OR6N1: variants seen among roughly 807,000 people sequenced by gnomAD.
OR6N1 encodes the protein olfactory receptor family 6 subfamily N member 1, also known as olfactory receptor 6N1.
For synonymous variants in OR6N1, 170 were observed against 150.7 expected (o/e 1.13, Z -0.94); for missense variants, 394 against 371.7 (o/e 1.06, Z -0.49).
chr1:158,764,349 A>G lies in OR6N1; in HGVS notation c.*1395T>C, dbSNP rs935854380. 1.3e-5 allele frequency: 2 copies of G among 151,346 alleles called. No individual in the cohort carries two copies. The highest frequency in any genetic ancestry group is 4.8e-5 in the African/African-American group (2 of 41,354). 9.4% of individuals were successfully genotyped at this position (151,346 alleles called of 1,614,324 possible). A position where few individuals can be genotyped will look rare whatever the true frequency, so the allele number is the denominator to read the frequency against. On this transcript the variant is annotated 3_prime_UTR_variant, in exon 2 of 2. Transcript: ENST00000641846. ...TATCTTAATACTACTTCCCACAATT[A>G]TAATTAATTATAACTAATTATAAAT...
At chr1:158,833,132 C>T in the OR6N1 span, among the ~76,000 whole-genome samples, 2 of 152,056 alleles carry the variant, frequency 1.3e-5, no homozygotes, top group African/African-American at 4.8e-5. Context: ...TTGACTCTGG[C>T]TTTACTTATT....
chr1:158,800,288 C>G, the OR6N1 span, among the ~76,000 whole-genome samples: 1 of 152,046 alleles, frequency 6.6e-6, no homozygotes, highest in African/African-American at 2.4e-5. Flanking sequence ...TTGAACCTAT[C>G]TACCCCATAC....
the OR6N1 span, among the ~76,000 whole-genome samples, chr1:158,816,859 A>G: frequency 6.6e-6 from 1 of 152,226 alleles, no homozygotes; most frequent in East Asian, 1.9e-4. Context: ...CATAGGATCA[A>G]AACTCCCTAA....
the OR6N1 span, among the ~76,000 whole-genome samples, chr1:158,801,989 A>AT: frequency 1.3e-5 from 2 of 152,160 alleles, no homozygotes; most frequent in East Asian, 3.9e-4. Context: ...CTGACCTCCC[A>AT]GGGGCTCCTT....
At chr1:158,787,585 A>AC in the OR6N1 span, among the ~76,000 whole-genome samples, 1 of 141,780 alleles carries the variant, frequency 7.1e-6, no homozygotes, top group Admixed American at 7.0e-5. Flanking sequence ...ACATGTATAT[A>AC]CTTTCTCTCT....
At chr1:158,839,702 G>A in the OR6N1 span, among the ~76,000 whole-genome samples, 2 of 152,304 alleles carry the variant, frequency 1.3e-5, no homozygotes, top group South Asian at 4.1e-4. Flanking sequence ...AAGGGAGAAA[G>A]TTAAACAGGG....
chr1:158,790,726 C>G, the OR6N1 span, among the ~76,000 whole-genome samples: 4 of 152,112 alleles, frequency 2.6e-5, no homozygotes, highest in African/African-American at 9.7e-5. Flanking sequence ...TTTATTGAAT[C>G]TACAGATTGC....
the OR6N1 span, chr1:158,808,593 G>T: frequency 6.5e-6 from 1 of 153,124 alleles, no homozygotes; most frequent in Non-Finnish European, 1.5e-5. Flanking sequence ...GCATAGAATA[G>T]TGCCACCACA....
At chr1:158,800,057 T>A in the OR6N1 span, among the ~76,000 whole-genome samples, 1 of 152,354 alleles carries the variant, frequency 6.6e-6, no homozygotes, top group East Asian at 1.9e-4. Context: ...AGTCTGTTTC[T>A]AAGTTGCCAT....
At chr1:158,817,539 T>C in the OR6N1 span, among the ~76,000 whole-genome samples, 4 of 152,340 alleles carry the variant, frequency 2.6e-5, no homozygotes, top group African/African-American at 7.2e-5. Flanking sequence ...TTTTGGCTTG[T>C]TCAAAAATAT....
chr1:158,802,971 C>G, the OR6N1 span, among the ~76,000 whole-genome samples: 1 of 152,004 alleles, frequency 6.6e-6, no homozygotes, highest in East Asian at 1.9e-4. Context: ...ATATGGAGTC[C>G]AGATGAATAA....
chr1:158,794,565 C>T, the OR6N1 span, among the ~76,000 whole-genome samples: 1 of 152,168 alleles, frequency 6.6e-6, no homozygotes, highest in African/African-American at 2.4e-5. Context: ...AGTCTCCCAG[C>T]AGCAGGTACC....
At chr1:158,773,479 A>G (rs1657473920), upstream of OR6N1, among the ~76,000 whole-genome samples, 1 of 152,130 alleles carries the variant, frequency 6.6e-6, no homozygotes, top group Non-Finnish European at 1.5e-5. Context: ...AAATATATCC[A>G]TCAATTCTGC....
At chr1:158,772,208 G>A (rs1198991606), upstream of OR6N1, 1 of 152,220 alleles carries the variant, frequency 6.6e-6, no homozygotes, top group Non-Finnish European at 1.5e-5. Context: ...GTGGGAATAA[G>A]TTAAACCATA....
the OR6N1 span, among the ~76,000 whole-genome samples, chr1:158,802,187 T>G: frequency 6.8e-6 from 1 of 146,962 alleles, no homozygotes. Flanking sequence ...GTTCTGCAAG[T>G]CCCTCATAGC....
At chr1:158,773,801 A>G (rs1368208536), upstream of OR6N1, among the ~76,000 whole-genome samples, 1 of 152,012 alleles carries the variant, frequency 6.6e-6, no homozygotes, top group African/African-American at 2.4e-5. Context: ...TACCAAAATA[A>G]TTTATGTCTA....
At chr1:158,779,773 CA>C in the OR6N1 span, among the ~76,000 whole-genome samples, 1 of 152,156 alleles carries the variant, frequency 6.6e-6, no homozygotes, top group African/African-American at 2.4e-5. Flanking sequence ...AAAATGAGAT[CA>C]AATCTTAACT....
the OR6N1 span, among the ~76,000 whole-genome samples, chr1:158,782,204 G>T: frequency 1.3e-5 from 2 of 152,158 alleles, no homozygotes; most frequent in African/African-American, 4.8e-5. Flanking sequence ...AATGTGTATT[G>T]TGAGAATTAA....
the OR6N1 span, among the ~76,000 whole-genome samples, chr1:158,811,135 T>C: frequency 2.0e-5 from 3 of 152,192 alleles, no homozygotes; most frequent in Admixed American, 6.5e-5. Flanking sequence ...ACATGCAGTA[T>C]TTGGTTTTCT....
Sources: gnomAD v4.1 joint callset for allele counts (sites outside exome capture counted in the v4.1 genomes callset) on GRCh38, gnomAD v4.1.1 for gene constraint, MANE v1.5 for transcripts, NCBI Gene and HGNC (gene_info 2026-07-23, HGNC 2026-07-21) for gene names.